Variants in NR6A1 observed in about 807,000 individuals in gnomAD.
The protein encoded by NR6A1 is nuclear receptor subfamily 6 group A member 1, also known as retinoic acid receptor-related testis-associated receptor.
NR6A1 carries 7 observed loss-of-function variants against 59.1 expected under a neutral mutation model. The ratio of observed to expected loss-of-function variants is 0.12; its 90% CI spans 0.07 to 0.22. The LOEUF (loss-of-function observed/expected upper bound fraction) is 0.22, where lower values mean the gene tolerates loss of function less well. NR6A1 is among the 10% of genes least tolerant of loss of function. The pLI is 1.00. For synonymous variants in NR6A1, 243 were observed against 236.1 expected (o/e 1.03, Z -0.27); for missense variants, 468 against 611.6 (o/e 0.77, Z 2.48).
intron 7 of NR6A1, among the ~76,000 whole-genome samples, chr9:124,532,556 C>A (rs148255438): frequency 5.6e-4 from 86 of 152,292 alleles, no homozygotes; most frequent in African/African-American, 2.0e-3. Flanking sequence ...GCTTCCTCCC[C>A]ACAAAACACA....
chr9:124,663,391 T>A (rs1437144812), intron 2 of NR6A1, among the ~76,000 whole-genome samples: 2 of 152,046 alleles, frequency 1.3e-5, no homozygotes, highest in African/African-American at 4.8e-5. Context: ...GCAAGAAACA[T>A]GAGTCTTAGG....
intron 2 of NR6A1, among the ~76,000 whole-genome samples, chr9:124,640,692 A>C (rs1836745319): frequency 6.6e-6 from 1 of 151,862 alleles, no homozygotes; most frequent in South Asian, 2.1e-4. Context: ...GCTAGAGTTT[A>C]CCACCCCCAG....
chr9:124,762,411 T>C (rs1840807621), intron 1 of NR6A1, among the ~76,000 whole-genome samples: 1 of 152,234 alleles, frequency 6.6e-6, no homozygotes, highest in Admixed American at 6.5e-5. Context: ...ATATCTGGCT[T>C]AATCCTAGCA....
rs72252917 is a variant in NR6A1, at chr9:124,612,793, T to TTTTCTTTCTTTCTTTCTTTC, written c.143-58243_143-58224dup. On this transcript the variant is annotated intron_variant, in intron 2 of 9. Coordinates refer to ENST00000487099, the MANE Select transcript of NR6A1 (RefSeq NM_033334.4). ...AGTAGTTTGGGTTTTTCTTTCTTTC[T>TTTTCTTTCTTTCTTTCTTTC]TTTCTTTCTTTCTTTCTTTCTTTCT... is the stretch of plus-strand genomic sequence containing the variant. Among the ~76,000 whole-genome samples the TTTTCTTTCTTTCTTTCTTTC allele has an allele frequency of 1.9e-3, 278 of 145,574 alleles. 1 individual carries two copies. The highest frequency in any genetic ancestry group is 7.0e-3 in the Middle Eastern group (2 of 284).
chr9:124,712,990 C>T (rs1445593035), intron 2 of NR6A1, among the ~76,000 whole-genome samples: 1 of 152,146 alleles, frequency 6.6e-6, no homozygotes, highest in Non-Finnish European at 1.5e-5. Flanking sequence ...TACAAAAACC[C>T]TACAGCTTCC....
intron 2 of NR6A1, among the ~76,000 whole-genome samples, chr9:124,569,433 C>T (rs1446874425): frequency 6.6e-6 from 1 of 152,206 alleles, no homozygotes; most frequent in East Asian, 1.9e-4. Context: ...CATTTGGAAA[C>T]CGATTTTTAT....
intron 2 of NR6A1, among the ~76,000 whole-genome samples, chr9:124,653,312 T>C (rs1422456267): frequency 3.9e-5 from 6 of 152,056 alleles, no homozygotes; most frequent in Non-Finnish European, 7.4e-5. Context: ...AAGTATCAGA[T>C]GACACTACAT....
intron 3 of NR6A1, among the ~76,000 whole-genome samples, chr9:124,547,213 A>G (rs1833625820): frequency 6.6e-6 from 1 of 152,182 alleles, no homozygotes; most frequent in Admixed American, 6.5e-5. Flanking sequence ...TGGAACTCAT[A>G]TGCCTACCAT....
chr9:124,726,807 G>C (rs1016316878), intron 2 of NR6A1, among the ~76,000 whole-genome samples: 1 of 152,218 alleles, frequency 6.6e-6, no homozygotes, highest in African/African-American at 2.4e-5. Flanking sequence ...ACCTTGGAAT[G>C]TAAGAGATCT....
chr9:124,724,973 C>G (rs534505709), intron 2 of NR6A1, among the ~76,000 whole-genome samples: 1 of 152,280 alleles, frequency 6.6e-6, no homozygotes, highest in South Asian at 2.1e-4. Flanking sequence ...GTTTTATAGC[C>G]TAACTGGCCC....
At chr9:124,548,468 T>C (rs754109201) in intron 3 of NR6A1, among the ~76,000 whole-genome samples, 1 of 152,144 alleles carries the variant, frequency 6.6e-6, no homozygotes, top group Non-Finnish European at 1.5e-5. Flanking sequence ...TGCTGAAAAC[T>C]TGTCTCTACA....
intron 2 of NR6A1, among the ~76,000 whole-genome samples, chr9:124,600,986 G>GA (rs553677692): frequency 0.018 from 2,533 of 137,328 alleles, 62 homozygotes; most frequent in African/African-American, 0.058. Flanking sequence ...TGTGCTTTAA[G>GA]AAAAAAAAAA....
chr9:124,769,050 C>T (rs1841025784), intron 1 of NR6A1, among the ~76,000 whole-genome samples: 2 of 152,190 alleles, frequency 1.3e-5, no homozygotes, highest in African/African-American at 4.8e-5. Flanking sequence ...AATCTCCACA[C>T]AAACTAGCTT....
At chr9:124,683,203 C>CAGAAA (rs1270550581) in intron 2 of NR6A1, among the ~76,000 whole-genome samples, 1 of 145,840 alleles carries the variant, frequency 6.9e-6, no homozygotes, top group Non-Finnish European at 1.5e-5. Flanking sequence ...CCCTCCAAGA[C>CAGAAA]AGAAAAGAAA....
At chr9:124,595,778 T>C (rs911653660) in intron 2 of NR6A1, 45 of 1,289,176 alleles carry the variant, frequency 3.5e-5, no homozygotes, top group African/African-American at 4.6e-5. Context: ...ATGCTTCTTG[T>C]AGTCTGCTGA....
At chr9:124,542,576 C>T (rs937707768) in intron 4 of NR6A1, among the ~76,000 whole-genome samples, 1 of 152,210 alleles carries the variant, frequency 6.6e-6, no homozygotes, top group African/African-American at 2.4e-5. Flanking sequence ...CTTTCTCTCT[C>T]CCTCAGTTTT....
At chr9:124,666,167 C>T (rs534971806) in intron 2 of NR6A1, among the ~76,000 whole-genome samples, 3 of 150,714 alleles carry the variant, frequency 2.0e-5, no homozygotes, top group African/African-American at 7.3e-5. Context: ...AGAGGTCTGG[C>T]AAATGTATTC....
intron 2 of NR6A1, chr9:124,692,587 G>A (rs780285537): frequency 2.3e-6 from 1 of 441,496 alleles, no homozygotes; most frequent in Admixed American, 2.3e-5. Flanking sequence ...AAAAGAGCAA[G>A]CTGTACCTTC....
chr9:124,714,365 A>G (rs1199629054), intron 2 of NR6A1, among the ~76,000 whole-genome samples: 2 of 152,192 alleles, frequency 1.3e-5, no homozygotes, highest in Non-Finnish European at 2.9e-5. Flanking sequence ...GCACATTTAA[A>G]TATGGTTAAG....
Sources: allele counts gnomAD v4.1 joint callset (sites outside exome capture counted in the v4.1 genomes callset), GRCh38; gene constraint gnomAD v4.1.1; transcripts MANE v1.5; gene names NCBI Gene and HGNC (gene_info 2026-07-23, HGNC 2026-07-21).